The following SLC9A9 variants were observed in gnomAD, a reference collection of about 807,000 sequenced individuals.
The protein encoded by SLC9A9 is solute carrier family 9 member A9.
A neutral mutation model predicts 77.8 loss-of-function variants in SLC9A9; 62 were observed. The ratio of observed to expected loss-of-function variants is 0.80; its 90% CI spans 0.65 to 0.98. The LOEUF (loss-of-function observed/expected upper bound fraction) is 0.98, where lower values mean the gene tolerates loss of function less well. Among genes scored for constraint, SLC9A9 ranks in the 50% least tolerant of loss-of-function variants. SLC9A9 has a pLI of 0.00. For missense variants in SLC9A9, 775 were observed against 774.9 expected, an observed-to-expected ratio of 1.00 and a Z score of 0.00; for synonymous variants, 320 against 283.5, an observed-to-expected ratio of 1.13 and a Z score of -1.29.
chr3:143,711,884 C>G (rs964431769), intron 4 of SLC9A9, among the ~76,000 whole-genome samples: 6 of 152,280 alleles, frequency 3.9e-5, no homozygotes, highest in Non-Finnish European at 7.4e-5. Context: ...TACTAACTGA[C>G]CAAACTCCAG....
intron 14 of SLC9A9, among the ~76,000 whole-genome samples, chr3:143,340,617 C>G (rs1366602939): frequency 6.6e-6 from 1 of 152,174 alleles, no homozygotes; most frequent in Admixed American, 6.5e-5. Flanking sequence ...CACTTTGGTA[C>G]CGTCTTCAAG....
intron 14 of SLC9A9, chr3:143,314,572 G>A (rs183112261): frequency 1.3e-5 from 2 of 152,334 alleles, no homozygotes; most frequent in East Asian, 3.9e-4. Context: ...CCATGGAAAC[G>A]AATCATTCTA....
chr3:143,713,624 C>T (rs751884554), intron 4 of SLC9A9, among the ~76,000 whole-genome samples: 17 of 152,058 alleles, frequency 1.1e-4, no homozygotes, highest in Non-Finnish European at 2.5e-4. Context: ...TTTAAACATT[C>T]CTTAAGTATT....
chr3:143,310,528 CAAAA>C (rs397754793), intron 14 of SLC9A9, among the ~76,000 whole-genome samples: 1 of 115,234 alleles, frequency 8.7e-6, no homozygotes, highest in African/African-American at 3.2e-5. Context: ...AGTCTTCTAT[CAAAA>C]AAAAAAAAAA....
intron 6 of SLC9A9, among the ~76,000 whole-genome samples, chr3:143,614,672 T>C (rs771263726): frequency 2.0e-5 from 3 of 152,216 alleles, no homozygotes; most frequent in Non-Finnish European, 4.4e-5. Flanking sequence ...GAGACAGATA[T>C]AAACCACAGT....
intron 14 of SLC9A9, among the ~76,000 whole-genome samples, chr3:143,361,660 G>C (rs2032755115): frequency 6.6e-6 from 1 of 152,124 alleles, no homozygotes; most frequent in South Asian, 2.1e-4. Context: ...ATGTGCAGGA[G>C]GATAAATTAC....
intron 4 of SLC9A9, among the ~76,000 whole-genome samples, chr3:143,794,727 T>C (rs1358084410): frequency 1.3e-5 from 2 of 152,148 alleles, no homozygotes; most frequent in Admixed American, 6.5e-5. Context: ...AAGAATGCAA[T>C]GCGCTTCACA....
chr3:143,731,943 G>T (rs1934814575), intron 4 of SLC9A9, among the ~76,000 whole-genome samples: 1 of 152,162 alleles, frequency 6.6e-6, no homozygotes, highest in South Asian at 2.1e-4. Context: ...TTTCTTGCCT[G>T]CCATCTGTTC....
intron 14 of SLC9A9, among the ~76,000 whole-genome samples, chr3:143,309,734 A>T (rs1400439963): frequency 2.0e-5 from 3 of 152,188 alleles, no homozygotes; most frequent in Non-Finnish European, 4.4e-5. Flanking sequence ...AAAAGGTTGG[A>T]AAGAAGGAAG....
intron 14 of SLC9A9, among the ~76,000 whole-genome samples, chr3:143,278,772 C>A (rs921514113): frequency 9.2e-5 from 14 of 152,184 alleles, no homozygotes; most frequent in African/African-American, 3.4e-4. Flanking sequence ...GTTAGGACTT[C>A]AACATGCCTT....
At chr3:143,733,485 A>C (rs1934860600) in intron 4 of SLC9A9, among the ~76,000 whole-genome samples, 1 of 152,142 alleles carries the variant, frequency 6.6e-6, no homozygotes, top group Non-Finnish European at 1.5e-5. Context: ...CACAGGACTA[A>C]TGAATTGTTT....
chr3:143,734,723 A>C (rs1934895918), intron 4 of SLC9A9, among the ~76,000 whole-genome samples: 1 of 135,996 alleles, frequency 7.4e-6, no homozygotes, highest in South Asian at 2.3e-4. Context: ...ACAGAGCAAG[A>C]CTCCATCTCA....
chr3:143,671,116 C>A (rs1033528724), intron 5 of SLC9A9, among the ~76,000 whole-genome samples: 1 of 152,140 alleles, frequency 6.6e-6, no homozygotes, highest in Non-Finnish European at 1.5e-5. Flanking sequence ...TGGTGATGAT[C>A]AAATTAGATG....
At chr3:143,776,602 A>G (rs2007699339) in intron 4 of SLC9A9, among the ~76,000 whole-genome samples, 2 of 152,194 alleles carry the variant, frequency 1.3e-5, no homozygotes, top group South Asian at 2.1e-4. Flanking sequence ...TTATAACTGT[A>G]TAGAGAAGGA....
intron 4 of SLC9A9, among the ~76,000 whole-genome samples, chr3:143,734,408 C>T (rs764482471): frequency 6.6e-6 from 1 of 151,958 alleles, no homozygotes; most frequent in East Asian, 1.9e-4. Flanking sequence ...TACATAAAAA[C>T]CCTTTTAAAA....
intron 14 of SLC9A9, among the ~76,000 whole-genome samples, chr3:143,321,104 C>A (rs994436578): frequency 6.6e-6 from 1 of 152,182 alleles, no homozygotes; most frequent in South Asian, 2.1e-4. Flanking sequence ...AACATCTAGC[C>A]TTTAGAACTG....
In SLC9A9 at chr3:143,296,626, C is replaced by T. The variant is rs372731471; in HGVS notation, c.1605-27646G>A. Among the ~76,000 whole-genome samples the T allele has an allele frequency of 1.4e-4, 21 of 152,192 alleles. No individual in the cohort carries two copies. The East Asian group carries it at 1.5e-3, about 11-fold the overall frequency. Reference sequence around the variant, plus strand: ...TGGTAGTTCTGTTTTCCATAGCATCCGCACCATTTTACATTCTCACCAACA... The same window carrying T: ...TGGTAGTTCTGTTTTCCATAGCATCTGCACCATTTTACATTCTCACCAACA... On this transcript the variant is annotated intron_variant, in intron 14 of 15. Coordinates refer to ENST00000316549, the MANE Select transcript of SLC9A9 (RefSeq NM_173653.4).
At chr3:143,309,779 G>A (rs1329349215) in intron 14 of SLC9A9, among the ~76,000 whole-genome samples, 12 of 152,126 alleles carry the variant, frequency 7.9e-5, no homozygotes, top group Non-Finnish European at 1.0e-4. Context: ...TCTGGTCCAC[G>A]TGAATTCCCA....
At chr3:143,416,201 T>G (rs1247566515) in intron 12 of SLC9A9, among the ~76,000 whole-genome samples, 2 of 152,170 alleles carry the variant, frequency 1.3e-5, no homozygotes, top group Non-Finnish European at 2.9e-5. Context: ...CTACTCCTGG[T>G]GAAGATGCCA....
Sources: gnomAD v4.1 joint callset for allele counts (sites outside exome capture counted in the v4.1 genomes callset) on GRCh38, gnomAD v4.1.1 for gene constraint, MANE v1.5 for transcripts, NCBI Gene and HGNC (gene_info 2026-07-23, HGNC 2026-07-21) for gene names.